ARHGAP11B: variants seen among roughly 807,000 people sequenced by gnomAD.
The protein encoded by ARHGAP11B is Rho GTPase activating protein 11B, also known as inactive Rho GTPase-activating protein 11B.
ARHGAP11B carries 14 observed loss-of-function variants against 27.6 expected under a neutral mutation model. That is an observed-to-expected ratio of 0.51 (90% CI 0.34 to 0.79). The LOEUF (loss-of-function observed/expected upper bound fraction) is 0.79. ARHGAP11B is among the 30% of genes least tolerant of loss of function. ARHGAP11B has a pLI of 0.02. For missense variants in ARHGAP11B, 245 were observed against 320.1 expected, an observed-to-expected ratio of 0.77 and a Z score of 1.79; for synonymous variants, 82 against 114.1, an observed-to-expected ratio of 0.72 and a Z score of 1.80.
intron 1 of ARHGAP11B, 99 bp downstream of exon 1, chr15:30,627,048 A>G (rs2060213769): frequency 6.5e-7 from 1 of 1,543,262 alleles, no homozygotes; most frequent in East Asian, 2.3e-5. Context: ...CTGTGTATCA[A>G]AAAGAATGGT....
exon 11 of ARHGAP11B, chr15:30,648,867 T>G (rs1030003736): frequency 4.6e-5 from 7 of 152,072 alleles, no homozygotes; most frequent in Non-Finnish European, 1.0e-4. Flanking sequence ...ATTATACATC[T>G]TGTAATGTTA....
exon 1 of ARHGAP11B, chr15:30,626,560 A>G (rs554274621): frequency 4.4e-5 from 23 of 522,520 alleles, no homozygotes; most frequent in Middle Eastern, 5.1e-4. Context: ...GGTGACCAGA[A>G]AGAAGGTCGC....
At chr15:30,627,421 G>T (rs1275232420) in intron 1 of ARHGAP11B, among the ~76,000 whole-genome samples, 2 of 152,056 alleles carry the variant, frequency 1.3e-5, no homozygotes, top group Non-Finnish European at 1.5e-5. Context: ...GTTGTAGAGG[G>T]ACAAGGGAGA....
intron 9 of ARHGAP11B, among the ~76,000 whole-genome samples, chr15:30,647,208 A>T (rs1455639170): frequency 6.6e-6 from 1 of 151,438 alleles, no homozygotes; most frequent in African/African-American, 2.4e-5. Context: ...AGCTTATGGG[A>T]ATTTGTCAGC....
intron 7 of ARHGAP11B, among the ~76,000 whole-genome samples, chr15:30,644,140 C>G (rs1311986694): frequency 1.3e-5 from 2 of 151,748 alleles, no homozygotes; most frequent in African/African-American, 2.4e-5. Context: ...AAAAAAAATT[C>G]TTTCTGTCCA....
At chr15:30,645,743 A>G (rs2060343698) in intron 8 of ARHGAP11B, among the ~76,000 whole-genome samples, 1 of 151,850 alleles carries the variant, frequency 6.6e-6, no homozygotes, top group South Asian at 2.1e-4. Flanking sequence ...AATAACTGGG[A>G]TTTGTGCTTT....
At chr15:30,644,481 T>C (rs1339794241) in intron 7 of ARHGAP11B, among the ~76,000 whole-genome samples, 1 of 152,090 alleles carries the variant, frequency 6.6e-6, no homozygotes, top group Non-Finnish European at 1.5e-5. Flanking sequence ...TATTTGTATG[T>C]TTTAATCTGA....
At chr15:30,635,959 A>G (rs559178592) in intron 6 of ARHGAP11B, among the ~76,000 whole-genome samples, 8 of 148,290 alleles carry the variant, frequency 5.4e-5, no homozygotes, top group African/African-American at 1.8e-4. Context: ...GAATACTTGT[A>G]TCCTATTCTA....
intron 9 of ARHGAP11B, among the ~76,000 whole-genome samples, chr15:30,646,692 A>T (rs1444534186): frequency 1.3e-5 from 2 of 150,408 alleles, no homozygotes; most frequent in African/African-American, 4.9e-5. Flanking sequence ...AAATTAGCCC[A>T]GGCGCAGTGG....
intron 1 of ARHGAP11B, among the ~76,000 whole-genome samples, chr15:30,628,273 G>T (rs1198094115): frequency 6.6e-6 from 1 of 151,568 alleles, no homozygotes; most frequent in African/African-American, 2.4e-5. Flanking sequence ...AGTAGAGACG[G>T]GGTTTCACTG....
intron 6 of ARHGAP11B, 80 bp downstream of exon 6, chr15:30,635,713 G>C: frequency 7.0e-7 from 1 of 1,422,516 alleles, no homozygotes; most frequent in Non-Finnish European, 9.6e-7. Context: ...AGCATGAACT[G>C]TGGTATGTGC....
At chr15:30,628,064 T>C (rs1175065816) in intron 1 of ARHGAP11B, among the ~76,000 whole-genome samples, 1 of 149,818 alleles carries the variant, frequency 6.7e-6, no homozygotes, top group Non-Finnish European at 1.5e-5. Context: ...TTTTCACCCC[T>C]TTTCTTTTCT....
chr15:30,641,389 G>A (rs994322360), intron 7 of ARHGAP11B: 1 of 149,698 alleles, frequency 6.7e-6, no homozygotes, highest in African/African-American at 2.5e-5. Flanking sequence ...AGGCTAGAGT[G>A]CAATGGCACA....
intron 7 of ARHGAP11B, among the ~76,000 whole-genome samples, chr15:30,639,762 C>G (rs2060303870): frequency 6.6e-6 from 1 of 152,000 alleles, no homozygotes; most frequent in Non-Finnish European, 1.5e-5. Flanking sequence ...CAAGTAATCT[C>G]TTCAATAGCA....
At chr15:30,629,054 A>G (rs1406245703) in intron 1 of ARHGAP11B, among the ~76,000 whole-genome samples, 3 of 152,104 alleles carry the variant, frequency 2.0e-5, no homozygotes, top group Admixed American at 1.3e-4. Context: ...TCAGCTTAAA[A>G]TGATGATCAT....
intron 3 of ARHGAP11B, among the ~76,000 whole-genome samples, chr15:30,633,882 G>A (rs1173029534): frequency 1.3e-5 from 2 of 151,892 alleles, no homozygotes; most frequent in Non-Finnish European, 2.9e-5. Context: ...TGATATAGCT[G>A]AGTGTGGTGG....
At chr15:30,634,940 C>T (rs900185694) in intron 4 of ARHGAP11B, 140 bp from the exon 5 acceptor site, 5 of 766,804 alleles carry the variant, frequency 6.5e-6, no homozygotes, top group East Asian at 2.7e-5. Context: ...TGTGTTCAAG[C>T]CAATCATGTA....
intron 2 of ARHGAP11B, among the ~76,000 whole-genome samples, chr15:30,631,787 C>CTTTTTTTTTTTTTTTTTTG (rs765025486): frequency 7.2e-6 from 1 of 139,676 alleles, no homozygotes; most frequent in Non-Finnish European, 1.6e-5. Flanking sequence ...ACCTTTTGTT[C>CTTTTTTTTTTTTTTTTTTG]TTTTTTTTTT....
intron 9 of ARHGAP11B, chr15:30,646,343 G>C (rs1305633812): frequency 2.2e-6 from 1 of 460,574 alleles, no homozygotes; most frequent in African/African-American, 2.1e-5. Context: ...TGTTTTTATA[G>C]AGGCTCAAAC....
Sources: gnomAD v4.1 joint callset for allele counts (sites outside exome capture counted in the v4.1 genomes callset) on GRCh38, gnomAD v4.1.1 for gene constraint, MANE v1.5 for transcripts, NCBI Gene and HGNC (gene_info 2026-07-23, HGNC 2026-07-21) for gene names.